Variants in B3GALT1 observed in about 807,000 individuals in gnomAD.
The protein encoded by B3GALT1 is beta-1,3-galactosyltransferase 1, also known as UDP-Gal:betaGlcNAc beta 1,3-galactosyltransferase, polypeptide 1.
Under a neutral mutation model 23.2 loss-of-function variants are expected in B3GALT1, and 10 were observed. The ratio of observed to expected loss-of-function variants is 0.43; its 90% confidence interval spans 0.27 to 0.73. The LOEUF (loss-of-function observed/expected upper bound fraction) is 0.73, where lower values mean the gene tolerates loss of function less well. B3GALT1 is among the 30% of genes least tolerant of loss of function. The probability of loss-of-function intolerance (pLI) is 0.21; values close to 1 mark genes in which losing one functional copy is unlikely to be tolerated. For synonymous variants in B3GALT1, 156 were observed against 141.5 expected, an observed-to-expected ratio of 1.10 and a Z score of -0.73; for missense variants, 299 against 405.4, an observed-to-expected ratio of 0.74 and a Z score of 2.25.
At chr2:167,399,565 T>C (rs888107314) in intron 1 of B3GALT1, among the ~76,000 whole-genome samples, 12 of 152,248 alleles carry the variant, frequency 7.9e-5, no homozygotes, top group African/African-American at 1.7e-4. Context: ...TTGCTTTCAA[T>C]TCTTCCCAAG....
chr2:167,705,206 C>G (rs1435598626), intron 3 of B3GALT1, among the ~76,000 whole-genome samples: 1 of 152,298 alleles, frequency 6.6e-6, no homozygotes, highest in African/African-American at 2.4e-5. Flanking sequence ...TCAACGTATA[C>G]TTGTTTGAGT....
chr2:167,318,250 A>G (rs1049173119), intron 1 of B3GALT1, among the ~76,000 whole-genome samples: 1 of 149,496 alleles, frequency 6.7e-6, no homozygotes, highest in Non-Finnish European at 1.5e-5. Context: ...GCTTGAACCT[A>G]GGAGATGGAG....
At chr2:167,838,340 G>A (rs1185202188) in intron 4 of B3GALT1, among the ~76,000 whole-genome samples, 1 of 152,206 alleles carries the variant, frequency 6.6e-6, no homozygotes, top group African/African-American at 2.4e-5. Flanking sequence ...AATGATAAAG[G>A]GGATATCACC....
At chr2:167,468,959 C>G (rs1472812115) in intron 1 of B3GALT1, among the ~76,000 whole-genome samples, 4 of 152,078 alleles carry the variant, frequency 2.6e-5, no homozygotes, top group Non-Finnish European at 5.9e-5. Flanking sequence ...CCACTTATAT[C>G]CAATATTGTA....
In B3GALT1 at chr2:167,347,520, G is replaced by A. The variant is rs73017770; in HGVS notation, c.-511+54186G>A. ...GTTTCTAGAAATTGTGTGAGGTTCT[G>A]CATCAGCAGGTTTCATTTGTATTAT... On this transcript the variant is annotated intron_variant, in intron 1 of 4. Transcript: ENST00000392690. Among the ~76,000 whole-genome samples, 1,188 of 152,244 alleles carry A rather than the reference G, an allele frequency of 7.8e-3. 16 individuals carry two copies. The highest frequency in any genetic ancestry group is 0.024 in the African/African-American group (1,006 of 41,548).
At chr2:167,713,859 A>C in intron 3 of B3GALT1, 2 of 1,591,148 alleles carry the variant, frequency 1.3e-6, no homozygotes, top group South Asian at 2.2e-5. Flanking sequence ...AAATCCCTTG[A>C]TAGAAAATAA....
Position 167,604,795 on chromosome 2 carries a change from T to C in B3GALT1, c.-409-42114T>C, listed in dbSNP as rs10210297. 6.8e-4 allele frequency among the ~76,000 whole-genome samples: 103 copies of C among 152,268 alleles called. 1 individual carries two copies. Among genetic ancestry groups the C allele is most frequent in the African/African-American group, 2.3e-3 (95 of 41,534 alleles). On this transcript the variant is annotated intron_variant, in intron 2 of 4. Coordinates refer to ENST00000392690, the MANE Select transcript of B3GALT1 (RefSeq NM_020981.4). ...CATGTTTGGTGCCCAGTCTGTGATGTTCACAAAGATAGATGGGAAGAGGAG... is the reference window on the plus strand; with the variant it reads ...CATGTTTGGTGCCCAGTCTGTGATGCTCACAAAGATAGATGGGAAGAGGAG...
rs1469200651 is a variant in B3GALT1, at chr2:167,716,085, G to A, written c.-352+69119G>A. 9 of 1,552,514 alleles carry A rather than the reference G, an allele frequency of 5.8e-6. No homozygotes were observed. In the Admixed American group the frequency reaches 1.4e-4, roughly 24 times the overall value. ...CTCCATAGCGCCAAGCTGCTCTGGC[G>A]GTCACCGCAGTTAACACTGGCCACA... On this transcript the variant is annotated intron_variant, in intron 3 of 4. Transcript: ENST00000392690.
At chr2:167,863,766 C>A (rs1450652729) in intron 4 of B3GALT1, among the ~76,000 whole-genome samples, 3 of 152,094 alleles carry the variant, frequency 2.0e-5, no homozygotes, top group African/African-American at 7.2e-5. Context: ...TTTTTTAATA[C>A]CCCTTGCTAT....
At chr2:167,318,879 A>G (rs1190163979) in intron 1 of B3GALT1, among the ~76,000 whole-genome samples, 1 of 152,134 alleles carries the variant, frequency 6.6e-6, no homozygotes, top group East Asian at 1.9e-4. Flanking sequence ...AGCTGTGTAC[A>G]GGATAGTAGG....
At chr2:167,525,896 C>T (rs1227800506) in intron 2 of B3GALT1, among the ~76,000 whole-genome samples, 3 of 151,876 alleles carry the variant, frequency 2.0e-5, no homozygotes, top group Non-Finnish European at 2.9e-5. Flanking sequence ...GTTGAGATTA[C>T]AGGTGTGAGC....
At chr2:167,320,125 A>G (rs1017249836) in intron 1 of B3GALT1, among the ~76,000 whole-genome samples, 6 of 151,816 alleles carry the variant, frequency 4.0e-5, no homozygotes, top group African/African-American at 1.5e-4. Flanking sequence ...GAATACTGAT[A>G]TTATGAATTT....
intron 3 of B3GALT1, among the ~76,000 whole-genome samples, chr2:167,795,616 T>G (rs534885873): frequency 6.6e-6 from 1 of 152,230 alleles, no homozygotes; most frequent in Non-Finnish European, 1.5e-5. Flanking sequence ...AGGAGAATCC[T>G]GATGCCTTCA....
chr2:167,688,237 G>A (rs1236826374), intron 3 of B3GALT1, among the ~76,000 whole-genome samples: 1 of 151,932 alleles, frequency 6.6e-6, no homozygotes, highest in East Asian at 1.9e-4. Context: ...CATAATAAAA[G>A]CACCTTAGCA....
chr2:167,808,874 C>A (rs148703777), intron 3 of B3GALT1, among the ~76,000 whole-genome samples: 1,549 of 152,230 alleles, frequency 0.01, 31 homozygotes, highest in African/African-American at 0.036. Context: ...TATCCTGCAG[C>A]GTGTTTTCCA....
chr2:167,632,139 G>A (rs1327861660), intron 2 of B3GALT1, among the ~76,000 whole-genome samples: 1 of 151,862 alleles, frequency 6.6e-6, no homozygotes, highest in Non-Finnish European at 1.5e-5. Context: ...CTTTTTTATG[G>A]CTGCATAGTA....
intron 1 of B3GALT1, among the ~76,000 whole-genome samples, chr2:167,404,014 G>A (rs114679796): frequency 0.014 from 2,109 of 152,232 alleles, 47 homozygotes; most frequent in African/African-American, 0.047. Flanking sequence ...CTGAGTAATT[G>A]TGAAGAAGAG....
At chr2:167,765,112 C>T (rs1414579414) in intron 3 of B3GALT1, among the ~76,000 whole-genome samples, 1 of 152,142 alleles carries the variant, frequency 6.6e-6, no homozygotes, top group Non-Finnish European at 1.5e-5. Flanking sequence ...TACTATTACC[C>T]TTTGACCATT....
At chr2:167,837,892 T>A (rs1425784421) in intron 4 of B3GALT1, among the ~76,000 whole-genome samples, 1 of 152,106 alleles carries the variant, frequency 6.6e-6, no homozygotes, top group South Asian at 2.1e-4. Context: ...ACCGCTCAAC[T>A]ACATGGAAAC....
Sources: allele counts gnomAD v4.1 joint callset (sites outside exome capture counted in the v4.1 genomes callset), GRCh38; gene constraint gnomAD v4.1.1; transcripts MANE v1.5; gene names NCBI Gene and HGNC (gene_info 2026-07-23, HGNC 2026-07-21).